The following PRKG1 variants were observed in gnomAD, a reference collection of about 807,000 sequenced individuals.
PRKG1 encodes protein kinase cGMP-dependent 1, also known as cGMP-dependent protein kinase 1.
A neutral mutation model predicts 88.1 loss-of-function variants in PRKG1; 35 were observed. The observed-to-expected ratio is 0.40, with a 90% confidence interval of 0.30 to 0.53. PRKG1 has a LOEUF of 0.53. Ranked by LOEUF, PRKG1 falls within the 20% of genes least tolerant of loss-of-function variation. The probability of loss-of-function intolerance (pLI) is 0.59; values close to 1 mark genes in which losing one functional copy is unlikely to be tolerated. For synonymous variants in PRKG1, 303 were observed against 292.5 expected (o/e 1.04, Z -0.37); for missense variants, 540 against 839.8 (o/e 0.64, Z 4.41).
In PRKG1 at chr10:51,074,744, G is replaced by T; in HGVS notation, c.154G>T (p.Val52Leu). The change falls in exon 1 of 18, where the codon GTG becomes TTG. Residue 52 changes from valine (V) to leucine (L), a missense_variant. This residue lies in a region of PRKG1 where 400 missense variants were observed against 562.7 expected (regional missense o/e 0.71). Transcript: ENST00000373980. ...GAACGAGCTGGACAAGTACCGCTCGGTGATCCGACCAGCCACCCAGCAGGC... is the reference window on the plus strand; with the variant it reads ...GAACGAGCTGGACAAGTACCGCTCGTTGATCCGACCAGCCACCCAGCAGGC... ...LQNELDKYRS[V>L]IRPATQQAQK... 1 of 1,614,044 alleles carries T rather than the reference G, an allele frequency of 6.2e-7. No homozygotes were observed. Among genetic ancestry groups the T allele is most frequent in the Non-Finnish European group, 8.5e-7 (1 of 1,179,948 alleles).
At chr10:51,803,113 A>G (rs749115109) in intron 3 of PRKG1, among the ~76,000 whole-genome samples, 65 of 152,050 alleles carry the variant, frequency 4.3e-4, no homozygotes, top group Non-Finnish European at 8.4e-4. Flanking sequence ...CTTTGTGGCT[A>G]TATCATCCAG....
intron 3 of PRKG1, among the ~76,000 whole-genome samples, chr10:51,707,316 A>G (rs550141842): frequency 2.6e-5 from 4 of 151,102 alleles, no homozygotes; most frequent in Admixed American, 1.3e-4. Context: ...TTAACACCAC[A>G]TCGTTCTGCC....
At chr10:51,845,415 T>G (rs1436762494) in intron 4 of PRKG1, among the ~76,000 whole-genome samples, 2 of 152,168 alleles carry the variant, frequency 1.3e-5, no homozygotes, top group Admixed American at 1.3e-4. Flanking sequence ...CATTCTTCAT[T>G]AAAAGCAACA....
At chr10:51,688,063 A>T (rs1841039778) in intron 3 of PRKG1, among the ~76,000 whole-genome samples, 1 of 152,228 alleles carries the variant, frequency 6.6e-6, no homozygotes, top group Non-Finnish European at 1.5e-5. Flanking sequence ...GAAGCCATGT[A>T]GGTAAATTAA....
intron 3 of PRKG1, among the ~76,000 whole-genome samples, chr10:51,670,377 T>C (rs895846427): frequency 6.6e-6 from 1 of 151,890 alleles, no homozygotes; most frequent in Non-Finnish European, 1.5e-5. Flanking sequence ...ATTTTTATTA[T>C]TTATATTTCA....
intron 3 of PRKG1, among the ~76,000 whole-genome samples, chr10:51,797,179 AT>A (rs35365020): frequency 0.4 from 57,407 of 144,946 alleles, 11,743 homozygotes; most frequent in Middle Eastern, 0.51. Flanking sequence ...GTATCTGAGT[AT>A]TTTTTTTTTT....
In PRKG1 at chr10:52,297,739, A is replaced by G. The variant is rs1435128474; in HGVS notation, c.*3839A>G. ...GTCAAGTTCTAACATATCTCATTTT[A>G]TAGACTCCATTGACAATGGTCCAAC... On this transcript the variant is annotated 3_prime_UTR_variant, in exon 18 of 18. Transcript: ENST00000373980. 6.6e-6 allele frequency: 1 copy of G among 152,192 alleles called. No homozygotes were observed. The highest frequency in any genetic ancestry group is 1.5e-5 in the Non-Finnish European group (1 of 68,024). 9.4% of individuals were successfully genotyped at this position (152,192 alleles called of 1,614,324 possible).
intron 2 of PRKG1, among the ~76,000 whole-genome samples, chr10:51,404,181 GA>G (rs1415597589): frequency 6.6e-6 from 1 of 152,200 alleles, no homozygotes. Flanking sequence ...TCTGCATCAA[GA>G]GTATTTCAGA....
At chr10:51,567,801 G>C (rs1465273608) in intron 3 of PRKG1, among the ~76,000 whole-genome samples, 1 of 152,066 alleles carries the variant, frequency 6.6e-6, no homozygotes, top group Non-Finnish European at 1.5e-5. Context: ...TGGCCAGGCT[G>C]TTCTCAAACT....
At chr10:51,898,532 C>A (rs1427960529) in intron 4 of PRKG1, among the ~76,000 whole-genome samples, 2 of 151,752 alleles carry the variant, frequency 1.3e-5, no homozygotes, top group African/African-American at 2.4e-5. Flanking sequence ...CAATTTTTTT[C>A]CAATATTAAA....
chr10:51,778,156 C>G (rs778514074), intron 3 of PRKG1, among the ~76,000 whole-genome samples: 1 of 152,058 alleles, frequency 6.6e-6, no homozygotes. Context: ...GGTAGCCTCC[C>G]CATGGTTCTG....
Position 51,605,788 on chromosome 10 carries a change from G to C in PRKG1, c.592+137952G>C, listed in dbSNP as rs768437644. Among the ~76,000 whole-genome samples the C allele has an allele frequency of 7.9e-5, 12 of 152,108 alleles. 1 individual carries two copies. Among genetic ancestry groups the C allele is most frequent in the Non-Finnish European group, 1.6e-4 (11 of 68,016 alleles). ...TAAAAAAGCGGGGAAACAATTTTGG[G>C]GGAGCCAATAGAGTATAGGACTAAA... On this transcript the variant is annotated intron_variant, in intron 3 of 17. Transcript: ENST00000373980.
At chr10:51,485,497 A>G (rs1840506240) in intron 3 of PRKG1, among the ~76,000 whole-genome samples, 1 of 152,180 alleles carries the variant, frequency 6.6e-6, no homozygotes, top group Admixed American at 6.5e-5. Context: ...CACTCAGTAT[A>G]TGGATTCTTA....
At chr10:51,801,636 G>A (rs1016804521) in intron 3 of PRKG1, among the ~76,000 whole-genome samples, 1 of 152,112 alleles carries the variant, frequency 6.6e-6, no homozygotes, top group African/African-American at 2.4e-5. Flanking sequence ...AATTTGAGTT[G>A]AACAACAGAT....
At chr10:51,932,618 G>A (rs914098914) in intron 5 of PRKG1, among the ~76,000 whole-genome samples, 6 of 152,160 alleles carry the variant, frequency 3.9e-5, no homozygotes, top group Admixed American at 1.3e-4. Flanking sequence ...GGGACCAAGC[G>A]TGGGGTTTCG....
At chr10:52,087,080 G>A (rs912694672) in intron 7 of PRKG1, among the ~76,000 whole-genome samples, 4 of 152,090 alleles carry the variant, frequency 2.6e-5, no homozygotes, top group East Asian at 1.9e-4. Context: ...TACAATTCAA[G>A]ATGATATTTG....
chr10:52,033,081 A>G (rs1845511499), intron 5 of PRKG1, among the ~76,000 whole-genome samples: 1 of 152,188 alleles, frequency 6.6e-6, no homozygotes, highest in Non-Finnish European at 1.5e-5. Context: ...GCATTCATTC[A>G]GTACCCCAAC....
At chr10:51,441,171 G>GA (rs963376297) in intron 2 of PRKG1, among the ~76,000 whole-genome samples, 3 of 151,292 alleles carry the variant, frequency 2.0e-5, no homozygotes, top group Non-Finnish European at 4.4e-5. Flanking sequence ...GCAGTTTATT[G>GA]AAAAAAAAGT....
At chr10:51,083,394 T>A (rs1844163514) in intron 1 of PRKG1, among the ~76,000 whole-genome samples, 1 of 152,180 alleles carries the variant, frequency 6.6e-6, no homozygotes, top group African/African-American at 2.4e-5. Flanking sequence ...TTTCTTTGGG[T>A]CCCAGCTCCT....
Sources: allele counts gnomAD v4.1 joint callset (sites outside exome capture counted in the v4.1 genomes callset), GRCh38; gene constraint gnomAD v4.1.1; regional missense constraint gnomAD v4.1.1; transcripts MANE v1.5; gene names NCBI Gene and HGNC (gene_info 2026-07-23, HGNC 2026-07-21).